Variants in TOLLIP observed in about 807,000 individuals in gnomAD.
TOLLIP encodes the protein toll interacting protein.
TOLLIP carries 16 observed loss-of-function variants against 33.5 expected under a neutral mutation model. The observed-to-expected ratio is 0.48, with a 90% CI of 0.32 to 0.72. The LOEUF (loss-of-function observed/expected upper bound fraction) is 0.72. TOLLIP is among the 30% of genes least tolerant of loss of function. TOLLIP has a pLI of 0.03. For missense variants in TOLLIP, 325 were observed against 396.6 expected, an observed-to-expected ratio of 0.82 and a Z score of 1.53; for synonymous variants, 176 against 163.7, an observed-to-expected ratio of 1.07 and a Z score of -0.57.
At chr11:1,289,546 G>T (rs1033811760) in intron 3 of TOLLIP, among the ~76,000 whole-genome samples, 6 of 152,244 alleles carry the variant, frequency 3.9e-5, no homozygotes, top group Non-Finnish European at 8.8e-5. Context: ...TTCCCACCCA[G>T]TAGGCAGCCG....
intron 5 of TOLLIP, among the ~76,000 whole-genome samples, chr11:1,280,596 C>A (rs2133881293): frequency 6.6e-6 from 1 of 152,194 alleles, no homozygotes; most frequent in Non-Finnish European, 1.5e-5. Flanking sequence ...CGTCAACGGG[C>A]AGCTGCAGCC....
At chr11:1,300,862 A>G (rs557646504) in intron 1 of TOLLIP, among the ~76,000 whole-genome samples, 1 of 152,320 alleles carries the variant, frequency 6.6e-6, no homozygotes, top group South Asian at 2.1e-4. Context: ...GGCCACTTCC[A>G]TGACTGGCCC....
Position 1,288,779 on chromosome 11 carries a change from G to A in TOLLIP, c.367-3C>T, listed in dbSNP as rs756548591. 6.2e-7 allele frequency: 1 copy of A among 1,611,190 alleles called. No individual in the cohort carries two copies. Among genetic ancestry groups the A allele is most frequent in the Admixed American group, 1.7e-5 (1 of 59,906 alleles). On this transcript the variant is annotated splice_region_variant and splice_polypyrimidine_tract_variant and intron_variant, in intron 3 of 5. Coordinates refer to ENST00000317204, the MANE Select transcript of TOLLIP (RefSeq NM_019009.4). The stretch of plus-strand genomic sequence containing the variant: ...CGGTCGTCCATGGAGAAGGCTCTCT[G>A]CGGGAGACAAGAGGGAGAGGCCCCA...
rs1864106376 is a variant in TOLLIP at position 1,296,116 on chromosome 11, T to C, written c.34-322A>G. On this transcript the variant is annotated intron_variant, in intron 1 of 5. Coordinates refer to ENST00000317204, the MANE Select transcript of TOLLIP (RefSeq NM_019009.4). ...ATTTTAAAGGGTCTCCCTTGCACCA[T>C]GTGTGCCCACGGCTTCTTTCTCCTT... 4.6e-5 allele frequency among the ~76,000 whole-genome samples: 7 copies of C among 152,360 alleles called. No homozygotes were observed. The South Asian group carries it at 1.2e-3, about 27-fold the overall frequency.
At position 1,290,179 on chromosome 11, in the gene TOLLIP, A is replaced by C. The variant is rs1210418897; in HGVS notation, c.366+48T>G. On this transcript the variant is annotated intron_variant, in intron 3 of 5. Coordinates refer to ENST00000317204, the MANE Select transcript of TOLLIP (RefSeq NM_019009.4). The surrounding 1 kb of genome is among the most constrained non-coding windows in gnomAD (Gnocchi z 4.9). ...TGGCAGGTGTGTCCCCACGGCAGCC[A>C]CGCTCAGCCACGTGCAGCCTCCATA... 1.3e-6 allele frequency: 2 copies of C among 1,582,602 alleles called. No homozygotes were observed. The highest frequency in any genetic ancestry group is 2.3e-5 in the East Asian group (1 of 43,998).
Position 1,288,760 on chromosome 11 carries a change from T to C in TOLLIP, c.383A>G (p.Asp128Gly). Residue 128 changes from aspartate (D) to glycine (G), a missense_variant, in exon 4 of 6, where the codon GAC becomes GGC. Coordinates refer to ENST00000317204, the MANE Select transcript of TOLLIP (RefSeq NM_019009.4). ...EIFDERAFSM[D>G]DRIAWTHITI... ...GATGTGGGTCCAGGCAATGCGGTCG[T>C]CCATGGAGAAGGCTCTCTGCGGGAG... The C allele has an allele frequency of 1.2e-6, 2 of 1,612,412 alleles. No individual in the cohort carries two copies. Among genetic ancestry groups the C allele is most frequent in the Non-Finnish European group, 1.7e-6 (2 of 1,179,638 alleles).
rs116593151 is a variant in TOLLIP at position 1,285,587 on chromosome 11, C to T, written c.610+415G>A. On this transcript the variant is annotated intron_variant, in intron 5 of 5. Transcript: ENST00000317204. The stretch of plus-strand genomic sequence containing the variant: ...ACAGGAGCGTGAGGTTCAGACACAA[C>T]GGCGCAGCGCAGGGCACGCGTCACC... 2.3e-3 allele frequency among the ~76,000 whole-genome samples: 347 copies of T among 152,240 alleles called. 1 individual carries two copies. The highest frequency in any genetic ancestry group is 7.7e-3 in the African/African-American group (318 of 41,556).
At chr11:1,309,167 C>G (rs1864515006) in intron 1 of TOLLIP, among the ~76,000 whole-genome samples, 1 of 152,174 alleles carries the variant, frequency 6.6e-6, no homozygotes, top group Non-Finnish European at 1.5e-5. Context: ...GGCACGGGGC[C>G]CGCCTCCATC....
At chr11:1,295,816 A>G (rs942104441) in intron 1 of TOLLIP, 22 bp from the exon 2 acceptor site, 30 of 1,534,414 alleles carry the variant, frequency 2.0e-5, no homozygotes, top group African/African-American at 4.1e-5. Context: ...GGGACCAGAG[A>G]GGCCAGTGAG....
chr11:1,297,172 G>A (rs1448498929), intron 1 of TOLLIP, among the ~76,000 whole-genome samples: 3 of 152,154 alleles, frequency 2.0e-5, no homozygotes, highest in Non-Finnish European at 4.4e-5. Context: ...AAGTGCACGT[G>A]CTGAGGCCGC....
In TOLLIP at chr11:1,278,045, T is replaced by C. The variant is rs1863366665; in HGVS notation, c.611-792A>G. 6.6e-6 allele frequency among the ~76,000 whole-genome samples: 1 copy of C among 152,112 alleles called. No homozygotes were observed. Among genetic ancestry groups the C allele is most frequent in the Non-Finnish European group, 1.5e-5 (1 of 68,020 alleles). ...GGAGGACACACTGAGATGCAATCTATCGAGCAGGAGACGCACGGCGGTTCA... is the reference window on the plus strand; with the variant it reads ...GGAGGACACACTGAGATGCAATCTACCGAGCAGGAGACGCACGGCGGTTCA... On this transcript the variant is annotated intron_variant, in intron 5 of 5. Transcript: ENST00000317204. This position sits in a 1 kb window ranked among gnomAD's most constrained non-coding sequence, Gnocchi z 4.7.
chr11:1,293,209 G>C (rs1172127281), intron 2 of TOLLIP, among the ~76,000 whole-genome samples: 2 of 152,188 alleles, frequency 1.3e-5, no homozygotes, highest in Non-Finnish European at 2.9e-5. Context: ...TGCGGACACG[G>C]GGGAGAAGCC....
chr11:1,277,237 A>G lies in TOLLIP; in HGVS notation c.627T>C (p.Cys209=). ...YVPITGMPAV[C]SPGMVPVALP... is the part of the protein sequence containing the mutation. Reference sequence around the variant, plus strand: ...GGGCCACGGGCACCATGCCGGGGCTACAGACAGCGGGCATCCCTGGAAGCA... The same window carrying G: ...GGGCCACGGGCACCATGCCGGGGCTGCAGACAGCGGGCATCCCTGGAAGCA... The change falls in exon 6 of 6, where the codon TGT becomes TGC. Residue 209 remains cysteine, a synonymous_variant. Coordinates refer to ENST00000317204, the MANE Select transcript of TOLLIP (RefSeq NM_019009.4). This position sits in a 1 kb window ranked among gnomAD's most constrained non-coding sequence, Gnocchi z 4.2. 1 of 1,567,044 alleles carries G rather than the reference A, an allele frequency of 6.4e-7. No individual in the cohort carries two copies. Among genetic ancestry groups the G allele is most frequent in the Non-Finnish European group, 8.7e-7 (1 of 1,152,328 alleles).
chr11:1,289,344 C>G (rs1338959023), intron 3 of TOLLIP, among the ~76,000 whole-genome samples: 1 of 152,236 alleles, frequency 6.6e-6, no homozygotes, highest in East Asian at 1.9e-4. Flanking sequence ...CTGCCCCACA[C>G]TGCTCCCCGG....
intron 1 of TOLLIP, chr11:1,298,561 A>G (rs1864178016): frequency 6.6e-6 from 1 of 152,270 alleles, no homozygotes; most frequent in Admixed American, 6.5e-5. Context: ...GGGACTGCTC[A>G]TTACTGGGAG....
At chr11:1,307,973 G>T (rs1466250462) in intron 1 of TOLLIP, among the ~76,000 whole-genome samples, 1 of 152,226 alleles carries the variant, frequency 6.6e-6, no homozygotes, top group Non-Finnish European at 1.5e-5. Flanking sequence ...AGGGTGGGGA[G>T]CCCTGGTGAC....
rs934970547 is a variant in TOLLIP, at chr11:1,303,351, T to C, written c.33+6115A>G. 3.3e-5 allele frequency among the ~76,000 whole-genome samples: 5 copies of C among 151,902 alleles called. No homozygotes were observed. Among genetic ancestry groups the C allele is most frequent in the African/African-American group, 9.7e-5 (4 of 41,316 alleles). On this transcript the variant is annotated intron_variant, in intron 1 of 5. Transcript: ENST00000317204. The surrounding 1 kb of genome is among the most constrained non-coding windows in gnomAD (Gnocchi z 4.2). ...GACAGAGATCCAGAGAGGGACGGCATGTGACGTGGCAGGCCCTGGGCGCCG... is the reference window on the plus strand; with the variant it reads ...GACAGAGATCCAGAGAGGGACGGCACGTGACGTGGCAGGCCCTGGGCGCCG...
At chr11:1,280,694 C>G (rs904831988) in intron 5 of TOLLIP, among the ~76,000 whole-genome samples, 8 of 152,052 alleles carry the variant, frequency 5.3e-5, no homozygotes, top group African/African-American at 1.9e-4. Context: ...ACTTTCCAGG[C>G]CGATTCTCCT....
chr11:1,292,352 T>C (rs1863978525), intron 2 of TOLLIP, among the ~76,000 whole-genome samples: 1 of 152,216 alleles, frequency 6.6e-6, no homozygotes, highest in Non-Finnish European at 1.5e-5. Flanking sequence ...TTATTTTTAT[T>C]AATAACTTTA....
Sources: gnomAD v4.1 joint callset for allele counts (sites outside exome capture counted in the v4.1 genomes callset) on GRCh38, gnomAD v4.1.1 for gene constraint, Gnocchi (gnomAD v3.1) non-coding constraint, MANE v1.5 for transcripts, NCBI Gene and HGNC (gene_info 2026-07-23, HGNC 2026-07-21) for gene names.